LDAH: variants seen among roughly 807,000 people sequenced by gnomAD.
LDAH encodes the protein lipid droplet-associated hydrolase.
In LDAH, 26 loss-of-function variants were observed where a neutral mutation model predicts 29.6. The observed-to-expected ratio is 0.88, with a 90% CI of 0.64 to 1.22. The LOEUF (loss-of-function observed/expected upper bound fraction) is 1.22, where lower values mean the gene tolerates loss of function less well. Among genes scored for constraint, LDAH ranks in the 50% most tolerant of loss-of-function variants. The probability of loss-of-function intolerance (pLI) is 0.00; values close to 1 mark genes in which losing one functional copy is unlikely to be tolerated. For synonymous variants in LDAH, 117 were observed against 133.0 expected (o/e 0.88, Z 0.83); for missense variants, 344 against 387.3 (o/e 0.89, Z 0.94).
chr2:20,710,971 T>C (rs1426512314), intron 5 of LDAH, among the ~76,000 whole-genome samples: 1 of 152,022 alleles, frequency 6.6e-6, no homozygotes, highest in East Asian at 1.9e-4. Context: ...CCTATTCACA[T>C]GTGCCCTTTA....
At chr2:20,735,300 CT>C (rs575689942) in intron 5 of LDAH, among the ~76,000 whole-genome samples, 1 of 152,062 alleles carries the variant, frequency 6.6e-6, no homozygotes, top group Admixed American at 6.5e-5. Flanking sequence ...GGTTCTGTTC[CT>C]TTTTTTCCCC....
At chr2:20,734,507 A>T (rs1666646998) in intron 5 of LDAH, among the ~76,000 whole-genome samples, 1 of 152,192 alleles carries the variant, frequency 6.6e-6, no homozygotes, top group African/African-American at 2.4e-5. Context: ...ATTACTATGT[A>T]CATATGGTTA....
At chr2:20,715,259 A>G (rs1665085969) in intron 5 of LDAH, among the ~76,000 whole-genome samples, 1 of 152,230 alleles carries the variant, frequency 6.6e-6, no homozygotes, top group African/African-American at 2.4e-5. Flanking sequence ...CCATCGCATA[A>G]ACAGAACCAA....
intron 5 of LDAH, among the ~76,000 whole-genome samples, chr2:20,710,621 G>C (rs61645533): frequency 5.6e-5 from 7 of 125,498 alleles, no homozygotes; most frequent in African/African-American, 2.1e-4. Flanking sequence ...TATATATATA[G>C]ATATATATAT....
At chr2:20,743,780 T>C (rs1667374721) in intron 4 of LDAH, among the ~76,000 whole-genome samples, 1 of 151,886 alleles carries the variant, frequency 6.6e-6, no homozygotes, top group African/African-American at 2.4e-5. Context: ...TCTCTGTCAT[T>C]ATTGTTTGAA....
intron 6 of LDAH, among the ~76,000 whole-genome samples, chr2:20,693,443 TACTC>T (rs1663182916): frequency 6.6e-6 from 1 of 152,216 alleles, no homozygotes; most frequent in Admixed American, 6.5e-5. Context: ...ACCATATACT[TACTC>T]ATTATCTAAA....
intron 5 of LDAH, among the ~76,000 whole-genome samples, chr2:20,714,498 G>A (rs968161164): frequency 6.6e-6 from 1 of 151,998 alleles, no homozygotes; most frequent in African/African-American, 2.4e-5. Context: ...AAGCAAATTC[G>A]ACAGCTAGCA....
chr2:20,710,212 G>C (rs1664614635), intron 5 of LDAH, among the ~76,000 whole-genome samples: 1 of 152,102 alleles, frequency 6.6e-6, no homozygotes, highest in Non-Finnish European at 1.5e-5. Flanking sequence ...GAAGACAAAA[G>C]ATATTAAGAT....
At chr2:20,683,103 C>T (rs140745707), downstream of LDAH, among the ~76,000 whole-genome samples, 1 of 152,260 alleles carries the variant, frequency 6.6e-6, no homozygotes, top group African/African-American at 2.4e-5. Context: ...TTTCTTTGAC[C>T]CTCGTTCGTG....
chr2:20,704,552 A>T (rs1664173322), intron 5 of LDAH, among the ~76,000 whole-genome samples: 1 of 152,238 alleles, frequency 6.6e-6, no homozygotes, highest in Non-Finnish European at 1.5e-5. Flanking sequence ...ACAAAAAACA[A>T]ACCATGAAAT....
chr2:20,813,639 T>C (rs2125151050), intron 1 of LDAH, among the ~76,000 whole-genome samples: 1 of 152,356 alleles, frequency 6.6e-6, no homozygotes, highest in Admixed American at 6.5e-5. Context: ...GGTTGAATTT[T>C]AATAGATGTT....
chr2:20,822,520 T>C (rs1023359078), intron 1 of LDAH, among the ~76,000 whole-genome samples: 44 of 152,234 alleles, frequency 2.9e-4, no homozygotes, highest in African/African-American at 9.9e-4. Context: ...AAGATACGAA[T>C]TAACCAAGGA....
chr2:20,685,900 G>T lies in LDAH; in HGVS notation c.*1003C>A. The T allele has an allele frequency of 2.4e-6, 1 of 421,448 alleles. No homozygotes were observed. Among genetic ancestry groups the T allele is most frequent in the East Asian group, 4.1e-5 (1 of 24,398 alleles). 26.1% of individuals were successfully genotyped at this position (421,448 alleles called of 1,614,324 possible). A position where few individuals can be genotyped will look rare whatever the true frequency, so the allele number is the denominator to read the frequency against. ...CAAATGAAGTTAATGCAGAAATGGA[G>T]AGTTAATGTATGGCAATGTTTTACT... On this transcript the variant is annotated 3_prime_UTR_variant, in exon 7 of 7. Transcript: ENST00000237822.
At chr2:20,708,480 A>G (rs543112513) in intron 5 of LDAH, among the ~76,000 whole-genome samples, 1 of 152,378 alleles carries the variant, frequency 6.6e-6, no homozygotes, top group South Asian at 2.1e-4. Context: ...AATGTAAGCT[A>G]TCCAATAAAA....
chr2:20,758,308 G>C (rs753431240), intron 4 of LDAH, among the ~76,000 whole-genome samples: 1 of 152,102 alleles, frequency 6.6e-6, no homozygotes, highest in Non-Finnish European at 1.5e-5. Flanking sequence ...ATATGATCAA[G>C]ATATTAAATG....
intron 2 of LDAH, among the ~76,000 whole-genome samples, chr2:20,791,693 T>C (rs1670963597): frequency 6.6e-6 from 1 of 152,198 alleles, no homozygotes; most frequent in Admixed American, 6.5e-5. Flanking sequence ...GCACAGGGGC[T>C]ATAACATCTA....
In LDAH at chr2:20,706,731, T is replaced by C. The variant is rs370470056; in HGVS notation, c.704-5079A>G. On this transcript the variant is annotated intron_variant, in intron 5 of 6. Coordinates refer to ENST00000237822, the MANE Select transcript of LDAH (RefSeq NM_021925.4). ...AAAAAAAAAAAAAAGATAAAATACATGAAGAAAAAAGTTTTCAAGACACTG... is the reference window on the plus strand; with the variant it reads ...AAAAAAAAAAAAAAGATAAAATACACGAAGAAAAAAGTTTTCAAGACACTG... Among the ~76,000 whole-genome samples the C allele has an allele frequency of 1.5e-3, 229 of 149,170 alleles. 4 individuals are homozygous for C. In the South Asian group the frequency reaches 0.044, roughly 29 times the overall value.
At chr2:20,795,347 A>G (rs568647562) in intron 2 of LDAH, among the ~76,000 whole-genome samples, 1 of 152,340 alleles carries the variant, frequency 6.6e-6, no homozygotes, top group African/African-American at 2.4e-5. Flanking sequence ...CAGTATCTAT[A>G]TAATAGGTTG....
At chr2:20,735,467 T>C (rs1281394133) in intron 5 of LDAH, among the ~76,000 whole-genome samples, 2 of 152,326 alleles carry the variant, frequency 1.3e-5, no homozygotes, top group East Asian at 3.9e-4. Context: ...TTTAATCTTC[T>C]CTTTCCTAAG....
Sources: gnomAD v4.1 joint callset for allele counts (sites outside exome capture counted in the v4.1 genomes callset) on GRCh38, gnomAD v4.1.1 for gene constraint, MANE v1.5 for transcripts, NCBI Gene and HGNC (gene_info 2026-07-23, HGNC 2026-07-21) for gene names.